The following FSTL4 variants were observed in gnomAD, a reference collection of about 807,000 sequenced individuals.
FSTL4 encodes the protein follistatin like 4, also known as follistatin-related protein 4.
FSTL4 carries 28 observed loss-of-function variants against 78.2 expected under a neutral mutation model. That is an observed-to-expected ratio of 0.36 (90% confidence interval 0.27 to 0.49). The LOEUF (loss-of-function observed/expected upper bound fraction) is 0.49, where lower values mean the gene tolerates loss of function less well. Ranked by LOEUF, FSTL4 falls within the 20% of genes least tolerant of loss-of-function variation. The pLI is 0.98. For missense variants in FSTL4, 922 were observed against 1,084.9 expected (o/e 0.85, Z 2.11); for synonymous variants, 422 against 440.5 (o/e 0.96, Z 0.53).
At chr5:133,548,994 A>T (rs1026738355) in intron 3 of FSTL4, among the ~76,000 whole-genome samples, 1 of 152,144 alleles carries the variant, frequency 6.6e-6, no homozygotes, top group Non-Finnish European at 1.5e-5. Context: ...TCTCATAAGT[A>T]ATCTGTTTTT....
intron 4 of FSTL4, among the ~76,000 whole-genome samples, chr5:133,392,127 T>C (rs1037287850): frequency 1.3e-5 from 2 of 152,196 alleles, no homozygotes; most frequent in Admixed American, 1.3e-4. Flanking sequence ...AAGAAGCATC[T>C]GACCCGGGGC....
rs562655112 is a variant in FSTL4 at position 133,214,619 on chromosome 5, A to C, written c.1608+2610T>G. On this transcript the variant is annotated intron_variant, in intron 13 of 15. Coordinates refer to ENST00000265342, the MANE Select transcript of FSTL4 (RefSeq NM_015082.2). ...AAACCTCCAGGCTTGACTGAGAAAA[A>C]ACAACTCAAAAAGAAGTTCATCTAA... Among the ~76,000 whole-genome samples the C allele has an allele frequency of 8.5e-5, 13 of 152,328 alleles. No individual in the cohort carries two copies. In the South Asian group the frequency reaches 2.5e-3, roughly 29 times the overall value.
At chr5:133,505,737 C>G (rs1349470358) in intron 3 of FSTL4, among the ~76,000 whole-genome samples, 1 of 152,236 alleles carries the variant, frequency 6.6e-6, no homozygotes, top group Non-Finnish European at 1.5e-5. Flanking sequence ...GCAACTCTAT[C>G]ACCTACGTGA....
chr5:133,724,707 T>A, the FSTL4 span, among the ~76,000 whole-genome samples: 1 of 152,170 alleles, frequency 6.6e-6, no homozygotes, highest in East Asian at 1.9e-4. Context: ...TAAAAGAACA[T>A]AGTTTAATTT....
At chr5:133,829,682 C>T in the FSTL4 span, among the ~76,000 whole-genome samples, 1 of 152,208 alleles carries the variant, frequency 6.6e-6, no homozygotes, top group Non-Finnish European at 1.5e-5. Context: ...GAACTGCTGG[C>T]TCCCAAATGT....
chr5:133,311,460 C>A (rs1291207583), intron 6 of FSTL4, among the ~76,000 whole-genome samples: 2 of 152,162 alleles, frequency 1.3e-5, no homozygotes, highest in African/African-American at 4.8e-5. Flanking sequence ...CCACGTCAAG[C>A]TCATGGACAC....
chr5:133,792,492 C>T, the FSTL4 span, among the ~76,000 whole-genome samples: 11 of 152,228 alleles, frequency 7.2e-5, no homozygotes, highest in Non-Finnish European at 1.6e-4. Context: ...CCCATGACAT[C>T]CCAGAGTTCG....
chr5:133,530,697 T>C (rs760178195), intron 3 of FSTL4, among the ~76,000 whole-genome samples: 1 of 152,206 alleles, frequency 6.6e-6, no homozygotes, highest in Non-Finnish European at 1.5e-5. Flanking sequence ...TAGGTGGACC[T>C]ATGGCCAGGG....
At chr5:133,237,839 C>G (rs1184436701) in intron 7 of FSTL4, among the ~76,000 whole-genome samples, 1 of 142,952 alleles carries the variant, frequency 7.0e-6, no homozygotes, top group Non-Finnish European at 1.5e-5. Flanking sequence ...CTGTACTTGT[C>G]TCTTTATGGA....
chr5:133,360,154 A>G (rs1005284609), intron 4 of FSTL4, among the ~76,000 whole-genome samples: 3 of 152,150 alleles, frequency 2.0e-5, no homozygotes, highest in African/African-American at 4.8e-5. Context: ...TTCGTCCCCA[A>G]TCGGGTACCT....
At chr5:133,563,678 G>A (rs1050821125) in intron 3 of FSTL4, among the ~76,000 whole-genome samples, 4 of 152,222 alleles carry the variant, frequency 2.6e-5, no homozygotes, top group Non-Finnish European at 5.9e-5. Context: ...GGGCTCTCTA[G>A]GGCAGGGTTT....
At chr5:133,268,545 C>A (rs373692829) in intron 6 of FSTL4, among the ~76,000 whole-genome samples, 3 of 152,128 alleles carry the variant, frequency 2.0e-5, no homozygotes, top group Non-Finnish European at 4.4e-5. Context: ...GGTGGAGGCC[C>A]GGCTCATTTG....
the FSTL4 span, among the ~76,000 whole-genome samples, chr5:133,659,019 A>G: frequency 6.6e-6 from 1 of 152,126 alleles, no homozygotes; most frequent in African/African-American, 2.4e-5. Flanking sequence ...TTTTAAATCT[A>G]AGCAAAGCTT....
chr5:133,555,326 A>G (rs981852165), intron 3 of FSTL4, among the ~76,000 whole-genome samples: 1 of 152,234 alleles, frequency 6.6e-6, no homozygotes, highest in African/African-American at 2.4e-5. Flanking sequence ...AACTTCTGCC[A>G]TAAACTCTTA....
chr5:133,351,498 TGCTGTTTTATGTTTTCC>T (rs1437193243), intron 4 of FSTL4, among the ~76,000 whole-genome samples: 2 of 152,214 alleles, frequency 1.3e-5, no homozygotes, highest in Admixed American at 6.5e-5. Flanking sequence ...ATATCTTAGC[TGCTGTTTTATGTTTTCC>T]TTTTCTTTTT....
chr5:133,668,259 C>G, the FSTL4 span, among the ~76,000 whole-genome samples: 14 of 152,124 alleles, frequency 9.2e-5, no homozygotes, highest in African/African-American at 2.9e-4. Flanking sequence ...GGAAGACCAC[C>G]CATCCTGCAG....
the FSTL4 span, among the ~76,000 whole-genome samples, chr5:133,629,507 G>A: frequency 2.0e-5 from 3 of 152,114 alleles, no homozygotes; most frequent in Non-Finnish European, 4.4e-5. Flanking sequence ...GTAATTAACA[G>A]CCTATCAACC....
chr5:133,207,626 C>G (rs1428041064), intron 14 of FSTL4, among the ~76,000 whole-genome samples: 1 of 152,028 alleles, frequency 6.6e-6, no homozygotes, highest in Non-Finnish European at 1.5e-5. Flanking sequence ...TTTTTACTCC[C>G]CCTTTCTGCA....
At chr5:133,674,862 A>G in the FSTL4 span, among the ~76,000 whole-genome samples, 96 of 152,168 alleles carry the variant, frequency 6.3e-4, no homozygotes, top group Non-Finnish European at 1.0e-3. Context: ...ATTTCTCATG[A>G]TAATCACATA....
Sources: gnomAD v4.1 joint callset for allele counts (sites outside exome capture counted in the v4.1 genomes callset) on GRCh38, gnomAD v4.1.1 for gene constraint, MANE v1.5 for transcripts, NCBI Gene and HGNC (gene_info 2026-07-23, HGNC 2026-07-21) for gene names.